The following FRMD6 variants were observed in gnomAD, a reference collection of about 807,000 sequenced individuals.
FRMD6 encodes the protein FERM domain-containing protein 6.
FRMD6 carries 37 observed loss-of-function variants against 73.2 expected under a neutral mutation model. That is an observed-to-expected ratio of 0.51 (90% CI 0.39 to 0.66). The LOEUF is 0.66. Among genes scored for constraint, FRMD6 ranks in the 30% least tolerant of loss-of-function variants. The pLI, the probability that FRMD6 is intolerant of heterozygous loss-of-function variation, is 0.00. For missense variants in FRMD6, 714 were observed against 780.5 expected (o/e 0.91, Z 1.02); for synonymous variants, 273 against 282.2 (o/e 0.97, Z 0.33).
chr14:51,597,211 A>G (rs902299283), intron 2 of FRMD6, among the ~76,000 whole-genome samples: 4 of 152,210 alleles, frequency 2.6e-5, no homozygotes, highest in Non-Finnish European at 4.4e-5. Flanking sequence ...TCTACCATAG[A>G]GAGCTTATCT....
intron 1 of FRMD6, among the ~76,000 whole-genome samples, chr14:51,547,357 T>C (rs1886530545): frequency 6.6e-6 from 1 of 152,234 alleles, no homozygotes; most frequent in Non-Finnish European, 1.5e-5. Context: ...CTTCTGTTTC[T>C]CTTGGCTGTA....
chr14:51,429,424 A>ATT, the FRMD6 span, among the ~76,000 whole-genome samples: 1,169 of 151,616 alleles, frequency 7.7e-3, 12 homozygotes, highest in African/African-American at 0.022. Context: ...AGTCATGAAG[A>ATT]TTTTTTTTTG....
intron 9 of FRMD6, chr14:51,714,862 C>T (rs1031616818): frequency 9.2e-5 from 14 of 152,146 alleles, no homozygotes; most frequent in African/African-American, 3.4e-4. Flanking sequence ...GTATTCACTG[C>T]CTATTTTTTT....
chr14:51,607,972 G>A (rs977785085), intron 2 of FRMD6, among the ~76,000 whole-genome samples: 2 of 152,162 alleles, frequency 1.3e-5, no homozygotes, highest in African/African-American at 4.8e-5. Flanking sequence ...AAGCGGAGTC[G>A]TCTTACTGTA....
intron 1 of FRMD6, among the ~76,000 whole-genome samples, chr14:51,676,541 C>T (rs1894403316): frequency 6.6e-6 from 1 of 152,090 alleles, no homozygotes; most frequent in African/African-American, 2.4e-5. Flanking sequence ...ATGTAGCAGG[C>T]AGTTATAGCA....
At chr14:51,601,031 T>G (rs977544121) in intron 2 of FRMD6, among the ~76,000 whole-genome samples, 4 of 152,252 alleles carry the variant, frequency 2.6e-5, no homozygotes, top group Admixed American at 2.6e-4. Context: ...AGGTAAGATG[T>G]GTTTTTCACC....
intron 1 of FRMD6, among the ~76,000 whole-genome samples, chr14:51,502,378 T>C (rs562779557): frequency 6.6e-6 from 1 of 152,266 alleles, no homozygotes; most frequent in South Asian, 2.1e-4. Flanking sequence ...TTTTTGTATA[T>C]GGTGTAAGGA....
chr14:51,584,657 G>T (rs559447464), intron 2 of FRMD6, among the ~76,000 whole-genome samples: 2 of 152,196 alleles, frequency 1.3e-5, no homozygotes, highest in South Asian at 4.1e-4. Context: ...ATGTGAGCAA[G>T]TCCTTGTCAA....
At chr14:51,677,530 A>G (rs1894475510) in intron 1 of FRMD6, among the ~76,000 whole-genome samples, 2 of 152,108 alleles carry the variant, frequency 1.3e-5, no homozygotes, top group Non-Finnish European at 2.9e-5. Flanking sequence ...CTAGAAATTC[A>G]TCTTGGTTGA....
At chr14:51,453,952 G>A in the FRMD6 span, among the ~76,000 whole-genome samples, 4 of 152,198 alleles carry the variant, frequency 2.6e-5, no homozygotes, top group African/African-American at 9.6e-5. Flanking sequence ...GCCCACTGGA[G>A]ACACATGCTT....
intron 1 of FRMD6, among the ~76,000 whole-genome samples, chr14:51,661,490 G>C (rs978035123): frequency 2.0e-5 from 3 of 152,128 alleles, no homozygotes; most frequent in African/African-American, 7.2e-5. Context: ...TGCGTTGATG[G>C]TCTTGGGCTA....
chr14:51,610,754 C>T (rs1360003848), intron 2 of FRMD6, among the ~76,000 whole-genome samples: 1 of 151,940 alleles, frequency 6.6e-6, no homozygotes, highest in African/African-American at 2.4e-5. Flanking sequence ...GTATATTTTC[C>T]CCAGGTCCCA....
chr14:51,657,588 A>T (rs1892926287), intron 1 of FRMD6, among the ~76,000 whole-genome samples: 1 of 152,154 alleles, frequency 6.6e-6, no homozygotes, highest in South Asian at 2.1e-4. Context: ...CAGTTTCTTT[A>T]TCCATTTTGT....
At chr14:51,404,350 T>C in the FRMD6 span, among the ~76,000 whole-genome samples, 3 of 152,304 alleles carry the variant, frequency 2.0e-5, no homozygotes, top group East Asian at 3.9e-4. Context: ...GTCTTTTTAC[T>C]ATATTTATGA....
At chr14:51,670,360 G>A (rs1344555900) in intron 1 of FRMD6, among the ~76,000 whole-genome samples, 5 of 152,258 alleles carry the variant, frequency 3.3e-5, no homozygotes, top group Middle Eastern at 3.4e-3. Flanking sequence ...ATGAGCCACC[G>A]CACCTGGCCT....
At chr14:51,563,402 G>T (rs1596608251) in intron 1 of FRMD6, among the ~76,000 whole-genome samples, 1 of 152,310 alleles carries the variant, frequency 6.6e-6, no homozygotes, top group Non-Finnish European at 1.5e-5. Context: ...GGGCGTGGTG[G>T]CTCATGCTTG....
chr14:51,706,177 G>C (rs566768979), intron 6 of FRMD6, among the ~76,000 whole-genome samples: 1 of 152,018 alleles, frequency 6.6e-6, no homozygotes, highest in African/African-American at 2.4e-5. Flanking sequence ...ACCTTGTAAT[G>C]TCTGTGCTTG....
chr14:51,689,528 A>T (rs1895397606), intron 1 of FRMD6, among the ~76,000 whole-genome samples, 163 bp from the exon 2 acceptor site: 1 of 152,144 alleles, frequency 6.6e-6, no homozygotes. Context: ...CAAAATACAG[A>T]ATGAATTTCA....
At chr14:51,404,247 TTC>T in the FRMD6 span, among the ~76,000 whole-genome samples, 1 of 152,184 alleles carries the variant, frequency 6.6e-6, no homozygotes, top group African/African-American at 2.4e-5. Context: ...CCATTTTTCT[TTC>T]TGTTTTTGCT....
Sources: allele counts gnomAD v4.1 joint callset (sites outside exome capture counted in the v4.1 genomes callset), GRCh38; gene constraint gnomAD v4.1.1; transcripts MANE v1.5; gene names NCBI Gene and HGNC (gene_info 2026-07-23, HGNC 2026-07-21).